Variants in SLC5A4 observed in about 807,000 individuals in gnomAD.
SLC5A4 encodes the protein solute carrier family 5 member 4, also known as probable glucose sensor protein SLC5A4.
A neutral mutation model predicts 70.3 loss-of-function variants in SLC5A4; 55 were observed. The observed-to-expected ratio is 0.78, with a 90% CI of 0.63 to 0.98. The LOEUF (loss-of-function observed/expected upper bound fraction) is 0.98, where lower values mean the gene tolerates loss of function less well. Ranked by LOEUF, SLC5A4 falls within the 50% of genes least tolerant of loss-of-function variation. The pLI is 0.00. For missense variants in SLC5A4, 735 were observed against 839.2 expected (o/e 0.88, Z 1.53); for synonymous variants, 268 against 305.7 (o/e 0.88, Z 1.29).
the SLC5A4 span, among the ~76,000 whole-genome samples, chr22:32,328,097 A>ACAC: frequency 0.1 from 10,882 of 108,770 alleles, 526 homozygotes; most frequent in Non-Finnish European, 0.17. Flanking sequence ...CCAACACACA[A>ACAC]ACACACACAC....
the SLC5A4 span, among the ~76,000 whole-genome samples, chr22:32,330,990 G>A: frequency 1.5e-5 from 1 of 66,876 alleles, no homozygotes. Context: ...TGTGTTGGGG[G>A]CTCTGGTGTG....
At chr22:32,342,869 G>A in the SLC5A4 span, 1 of 152,148 alleles carries the variant, frequency 6.6e-6, no homozygotes, top group East Asian at 1.9e-4. Flanking sequence ...CTAGCTTTTT[G>A]GCTGCTAGAT....
chr22:32,271,347 G>T, the SLC5A4 span: 7 of 737,618 alleles, frequency 9.5e-6, no homozygotes, highest in Non-Finnish European at 1.5e-5. Flanking sequence ...CGTCAAGGAG[G>T]TGCTGCTGGT....
chr22:32,319,235 C>A, the SLC5A4 span, among the ~76,000 whole-genome samples: 2 of 151,818 alleles, frequency 1.3e-5, no homozygotes, highest in African/African-American at 4.8e-5. Context: ...CCTCGACTCA[C>A]ACTGGAACTC....
At chr22:32,219,600 C>T (rs534481725) in intron 14 of SLC5A4, among the ~76,000 whole-genome samples, 37 of 64,626 alleles carry the variant, frequency 5.7e-4, no homozygotes, top group Admixed American at 1.6e-3. Flanking sequence ...CCAGATTTAC[C>T]GGAAATGAAT....
chr22:32,302,607 C>T, the SLC5A4 span, among the ~76,000 whole-genome samples: 10,299 of 152,130 alleles, frequency 0.068, 591 homozygotes, highest in African/African-American at 0.16. Flanking sequence ...CTGCTTTTGC[C>T]CCTTAGCCAA....
At chr22:32,324,668 G>A in the SLC5A4 span, among the ~76,000 whole-genome samples, 2 of 152,142 alleles carry the variant, frequency 1.3e-5, no homozygotes, top group South Asian at 2.1e-4. Context: ...AGATGTCCAC[G>A]GCCTCAGTGT....
intron 11 of SLC5A4, among the ~76,000 whole-genome samples, chr22:32,228,161 G>A (rs1925515054): frequency 6.6e-6 from 1 of 152,100 alleles, no homozygotes; most frequent in Non-Finnish European, 1.5e-5. Flanking sequence ...GTCCTCACTT[G>A]GTGACACATC....
At chr22:32,234,731 A>C in intron 8 of SLC5A4, 142 bp downstream of exon 8, 2 of 699,266 alleles carry the variant, frequency 2.9e-6, no homozygotes, top group Non-Finnish European at 4.9e-6. Context: ...AAAACAGAGA[A>C]GGGTTTGACT....
chr22:32,285,894 G>A, the SLC5A4 span, among the ~76,000 whole-genome samples: 1 of 151,736 alleles, frequency 6.6e-6, no homozygotes, highest in Admixed American at 6.6e-5. Context: ...CCGCTACCAC[G>A]CCCGGCTTAT....
Position 32,237,251 on chromosome 22 carries a change from C to T in SLC5A4, c.657G>A (p.Met219Ile), listed in dbSNP as rs780445431. The change falls in exon 7 of 15, where the codon ATG becomes ATA. Residue 219 changes from methionine to isoleucine, a missense_variant. Coordinates refer to ENST00000266086, the MANE Select transcript of SLC5A4 (RefSeq NM_014227.3). ...IIMLIGSFIL[M>I]GFAFNEVGGY... ...CGCAGGGTCATCACTTACCAAACCC[C>T]ATGAGAATAAAAGAGCCAATCAGCA... 1.9e-6 allele frequency: 3 copies of T among 1,608,042 alleles called. No individual in the cohort carries two copies. The highest frequency in any genetic ancestry group is 1.7e-6 in the Non-Finnish European group (2 of 1,176,698).
chr22:32,270,557 TCC>T, the SLC5A4 span: 1 of 718,532 alleles, frequency 1.4e-6, no homozygotes. Context: ...TCAACCATAT[TCC>T]CGCAGATGGG....
At position 32,252,207 on chromosome 22, in the gene SLC5A4, G is replaced by T. The variant is rs1418569747; in HGVS notation, c.208-333C>A. 5.3e-5 allele frequency among the ~76,000 whole-genome samples: 8 copies of T among 149,894 alleles called. No individual in the cohort carries two copies. The East Asian group carries it at 1.6e-3, about 29-fold the overall frequency. On this transcript the variant is annotated intron_variant, in intron 2 of 14. Coordinates refer to ENST00000266086, the MANE Select transcript of SLC5A4 (RefSeq NM_014227.3). ...ATCGCGCCACTGCACTCCAGCCTGG[G>T]TGACAGAGCAAGACTCTGTCTCAAA...
the SLC5A4 span, among the ~76,000 whole-genome samples, chr22:32,323,157 C>G: frequency 1.3e-5 from 2 of 152,316 alleles, no homozygotes; most frequent in East Asian, 3.9e-4. Context: ...CTCGAGACAA[C>G]AGCTTACAGC....
chr22:32,267,214 C>A, the SLC5A4 span, among the ~76,000 whole-genome samples: 1 of 152,172 alleles, frequency 6.6e-6, no homozygotes, highest in Admixed American at 6.5e-5. Flanking sequence ...TTGTGGCAAT[C>A]TGCTTATGAC....
the SLC5A4 span, among the ~76,000 whole-genome samples, chr22:32,334,653 C>G: frequency 6.6e-6 from 1 of 152,190 alleles, no homozygotes; most frequent in Admixed American, 6.5e-5. Context: ...TCTCGACAAC[C>G]CTGCAGACTG....
At chr22:32,230,907 C>A in intron 10 of SLC5A4, 61 bp downstream of exon 10, 1 of 1,009,678 alleles carries the variant, frequency 9.9e-7, no homozygotes, top group South Asian at 1.3e-5. Context: ...CACCATAACC[C>A]TTCCTCGAGG....
chr22:32,283,313 T>G, the SLC5A4 span, among the ~76,000 whole-genome samples: 1 of 152,252 alleles, frequency 6.6e-6, no homozygotes, highest in Non-Finnish European at 1.5e-5. Context: ...CCTCACCTCC[T>G]TTACCTCTGT....
intron 5 of SLC5A4, among the ~76,000 whole-genome samples, chr22:32,246,181 A>G (rs1262696014): frequency 6.6e-6 from 1 of 152,070 alleles, no homozygotes; most frequent in Non-Finnish European, 1.5e-5. Context: ...CAGATGGTGA[A>G]CTCCCGTGGC....
Sources: gnomAD v4.1 joint callset for allele counts (sites outside exome capture counted in the v4.1 genomes callset) on GRCh38, gnomAD v4.1.1 for gene constraint, MANE v1.5 for transcripts, NCBI Gene and HGNC (gene_info 2026-07-23, HGNC 2026-07-21) for gene names.